The following CSMD1 variants were observed in gnomAD, a reference collection of about 807,000 sequenced individuals.
The protein encoded by CSMD1 is CUB and Sushi multiple domains 1.
In CSMD1, 213 loss-of-function variants were observed where a neutral mutation model predicts 417.5. The observed-to-expected ratio is 0.51, with a 90% CI of 0.46 to 0.57. CSMD1 has a LOEUF of 0.57. CSMD1 is among the 20% of genes least tolerant of loss of function. The probability of loss-of-function intolerance (pLI) is 0.00; values close to 1 mark genes in which losing one functional copy is unlikely to be tolerated. For missense variants in CSMD1, 6,923 were observed against 4,529.7 expected, an observed-to-expected ratio of 1.53 and a Z score of -15.17; for synonymous variants, 2,862 against 1,736.8, an observed-to-expected ratio of 1.65 and a Z score of -16.11.
intron 1 of CSMD1, among the ~76,000 whole-genome samples, chr8:4,639,423 A>C (rs1188640346): frequency 2.0e-5 from 3 of 152,058 alleles, no homozygotes; most frequent in African/African-American, 7.2e-5. Context: ...TGTAAATATT[A>C]CTATCCTGTA....
intron 3 of CSMD1, among the ~76,000 whole-genome samples, chr8:4,314,362 C>T (rs909597211): frequency 6.6e-5 from 10 of 152,186 alleles, no homozygotes; most frequent in African/African-American, 2.4e-4. Flanking sequence ...AGAACATTTC[C>T]TACATATTTC....
intron 54 of CSMD1, among the ~76,000 whole-genome samples, chr8:2,991,478 G>A (rs980126730): frequency 1.3e-5 from 2 of 152,066 alleles, no homozygotes; most frequent in African/African-American, 2.4e-5. Flanking sequence ...GGCCAGATAT[G>A]GCCTTATCCT....
intron 2 of CSMD1, among the ~76,000 whole-genome samples, chr8:4,539,879 G>T (rs1797293323): frequency 6.6e-6 from 1 of 152,188 alleles, no homozygotes; most frequent in South Asian, 2.1e-4. Context: ...CTCAAGACAG[G>T]AACCCCAGAG....
chr8:4,368,620 G>T, intron 3 of CSMD1, among the ~76,000 whole-genome samples: 2 of 152,128 alleles, frequency 1.3e-5, no homozygotes, highest in African/African-American at 4.8e-5. Context: ...TGGTTGGTAG[G>T]CTTTTTATTA....
chr8:3,149,774 T>G lies in CSMD1; in HGVS notation c.6031+1623A>C, dbSNP rs1020150779. 5.9e-5 allele frequency among the ~76,000 whole-genome samples: 9 copies of G among 152,200 alleles called. No individual in the cohort carries two copies. In the East Asian group the frequency reaches 1.7e-3, roughly 29 times the overall value. On this transcript the variant is annotated intron_variant, in intron 40 of 69. Coordinates refer to ENST00000635120, the MANE Select transcript of CSMD1 (RefSeq NM_033225.6). The stretch of plus-strand genomic sequence containing the variant: ...ATTATAATTAACCCTCACCATAACC[T>G]TATGTGGGTATTTCAGGTATAGAAA...
chr8:3,940,472 T>C (rs946006765), intron 5 of CSMD1, among the ~76,000 whole-genome samples: 1 of 151,410 alleles, frequency 6.6e-6, no homozygotes, highest in African/African-American at 2.4e-5. Context: ...ATTCAGTATA[T>C]TCAGTAAAAT....
intron 1 of CSMD1, among the ~76,000 whole-genome samples, chr8:4,868,047 C>G (rs536965402): frequency 6.6e-6 from 1 of 152,126 alleles, no homozygotes; most frequent in East Asian, 1.9e-4. Flanking sequence ...ACTGCTTTCC[C>G]TGGATCTCTA....
intron 1 of CSMD1, among the ~76,000 whole-genome samples, chr8:4,697,566 T>G (rs562280376): frequency 4.6e-5 from 7 of 152,202 alleles, no homozygotes; most frequent in African/African-American, 1.7e-4. Context: ...GCAAAACAAT[T>G]GTAGTATTCA....
At chr8:4,205,569 A>G (rs1799928736) in intron 3 of CSMD1, among the ~76,000 whole-genome samples, 1 of 152,202 alleles carries the variant, frequency 6.6e-6, no homozygotes, top group Admixed American at 6.5e-5. Context: ...CACTGAAGTG[A>G]CACAGCATAT....
intron 54 of CSMD1, among the ~76,000 whole-genome samples, chr8:2,990,235 T>A (rs1402922143): frequency 4.6e-5 from 7 of 152,240 alleles, no homozygotes; most frequent in Admixed American, 4.6e-4. Flanking sequence ...CACTAATATC[T>A]GTCTTCCCAT....
At chr8:3,638,543 T>C (rs1206113789) in intron 7 of CSMD1, among the ~76,000 whole-genome samples, 1 of 152,020 alleles carries the variant, frequency 6.6e-6, no homozygotes, top group African/African-American at 2.4e-5. Context: ...GTAGCAGAGA[T>C]TACAGAGGGG....
At chr8:4,088,348 A>T (rs564605244) in intron 3 of CSMD1, among the ~76,000 whole-genome samples, 1 of 152,320 alleles carries the variant, frequency 6.6e-6, no homozygotes, top group Non-Finnish European at 1.5e-5. Context: ...GCTTTGCAGC[A>T]CAGAAGACGG....
chr8:4,105,646 G>C (rs1159956274), intron 3 of CSMD1, among the ~76,000 whole-genome samples: 1 of 152,166 alleles, frequency 6.6e-6, no homozygotes, highest in African/African-American at 2.4e-5. Flanking sequence ...AGTAGCAGGT[G>C]GAACGTGGTT....
Position 4,004,727 on chromosome 8 carries a change from T to C in CSMD1, c.611-6617A>G, listed in dbSNP as rs1585116818. 3.3e-5 allele frequency among the ~76,000 whole-genome samples: 5 copies of C among 151,988 alleles called. 1 individual carries two copies. In the South Asian group the frequency reaches 1.0e-3, roughly 32 times the overall value. ...TTGACCTGGATGAGATTGGTGACTA[T>C]TATTCTTTATTCTTTTTTTGTTTTG... is the stretch of plus-strand genomic sequence containing the variant. On this transcript the variant is annotated intron_variant, in intron 4 of 69. Transcript: ENST00000635120.
At chr8:4,984,336 A>G (rs1245200256) in intron 1 of CSMD1, among the ~76,000 whole-genome samples, 1 of 152,218 alleles carries the variant, frequency 6.6e-6, no homozygotes, top group Non-Finnish European at 1.5e-5. Flanking sequence ...GGCCTAACAT[A>G]AGTTGCATAT....
rs193217854 is a variant in CSMD1 at position 3,076,038 on chromosome 8, G to A, written c.7474+11059C>T. Among the ~76,000 whole-genome samples, 1,473 of 149,130 alleles carry A rather than the reference G, an allele frequency of 9.9e-3. 8 individuals carry two copies. Among genetic ancestry groups the A allele is most frequent in the Non-Finnish European group, 0.012 (811 of 67,474 alleles). On this transcript the variant is annotated intron_variant, in intron 49 of 69. Transcript: ENST00000635120. ...TGCACTCTAGCCTGGGCGACAGAGC[G>A]AGACTCCGTCTCAAAAAAAAGAAAA...
At chr8:3,413,160 A>C (rs923775696) in intron 12 of CSMD1, among the ~76,000 whole-genome samples, 2 of 152,228 alleles carry the variant, frequency 1.3e-5, no homozygotes, top group African/African-American at 4.8e-5. Context: ...CTGGAAATAC[A>C]ATTATTACTA....
intron 3 of CSMD1, among the ~76,000 whole-genome samples, chr8:4,266,733 T>C (rs537266559): frequency 9.5e-6 from 1 of 105,426 alleles, no homozygotes; most frequent in African/African-American, 2.6e-5. Context: ...TCTAATTTTT[T>C]GTCTAATAAA....
intron 3 of CSMD1, among the ~76,000 whole-genome samples, chr8:4,051,895 C>T (rs146259263): frequency 1.7e-3 from 48 of 28,762 alleles, no homozygotes; most frequent in South Asian, 5.8e-3. Flanking sequence ...TTCCTTCCTT[C>T]CTTCCTTCCT....
Sources: allele counts gnomAD v4.1 joint callset (sites outside exome capture counted in the v4.1 genomes callset), GRCh38; gene constraint gnomAD v4.1.1; transcripts MANE v1.5; gene names NCBI Gene and HGNC (gene_info 2026-07-23, HGNC 2026-07-21).